The following SOX5 variants were observed in gnomAD, a reference collection of about 807,000 sequenced individuals.
SOX5 encodes the protein transcription factor SOX-5.
A neutral mutation model predicts 92.0 loss-of-function variants in SOX5; 9 were observed. The ratio of observed to expected loss-of-function variants is 0.10; its 90% confidence interval spans 0.06 to 0.17. The LOEUF (loss-of-function observed/expected upper bound fraction) is 0.17, where lower values mean the gene tolerates loss of function less well. Among genes scored for constraint, SOX5 ranks in the 10% least tolerant of loss-of-function variants. The probability of loss-of-function intolerance (pLI) is 1.00; values close to 1 mark genes in which losing one functional copy is unlikely to be tolerated. For synonymous variants in SOX5, 344 were observed against 336.3 expected (o/e 1.02, Z -0.25); for missense variants, 642 against 944.5 (o/e 0.68, Z 4.20).
At chr12:24,377,954 TA>T (rs1464428748) in intron 1 of SOX5, among the ~76,000 whole-genome samples, 12 of 152,350 alleles carry the variant, frequency 7.9e-5, no homozygotes, top group African/African-American at 2.9e-4. Flanking sequence ...AAAAGGCATG[TA>T]AATCGCATAT....
At chr12:24,458,557 A>C (rs895370328) in intron 1 of SOX5, among the ~76,000 whole-genome samples, 3 of 152,086 alleles carry the variant, frequency 2.0e-5, no homozygotes, top group African/African-American at 7.2e-5. Context: ...GTAGGATGGG[A>C]CCCAGATATA....
intron 4 of SOX5, among the ~76,000 whole-genome samples, chr12:24,201,056 C>G (rs1305025804): frequency 1.3e-5 from 2 of 152,062 alleles, no homozygotes; most frequent in Non-Finnish European, 2.9e-5. Context: ...ATAACATGGT[C>G]AATAGGAAAA....
intron 4 of SOX5, among the ~76,000 whole-genome samples, chr12:24,172,092 T>C (rs549631187): frequency 2.3e-4 from 29 of 127,690 alleles, no homozygotes; most frequent in African/African-American, 7.3e-4. Context: ...TGTGTGTGTG[T>C]GCGTGCGCGC....
At chr12:24,273,991 T>G (rs1037130620) in intron 3 of SOX5, among the ~76,000 whole-genome samples, 1 of 152,210 alleles carries the variant, frequency 6.6e-6, no homozygotes, top group Non-Finnish European at 1.5e-5. Flanking sequence ...TGGTACAACT[T>G]TAATTCTTGG....
At chr12:23,666,191 CT>C (rs2083771544) in intron 6 of SOX5, among the ~76,000 whole-genome samples, 1 of 151,496 alleles carries the variant, frequency 6.6e-6, no homozygotes, top group Non-Finnish European at 1.5e-5. Context: ...AGAACTGGGT[CT>C]AGAATTCAGT....
chr12:24,375,919 C>T (rs1957218824), intron 1 of SOX5, among the ~76,000 whole-genome samples: 1 of 151,578 alleles, frequency 6.6e-6, no homozygotes, highest in South Asian at 2.1e-4. Flanking sequence ...TTCTTTCCAC[C>T]TTCTCTAAGT....
intron 4 of SOX5, among the ~76,000 whole-genome samples, chr12:24,190,454 AG>A (rs1956412558): frequency 6.6e-6 from 1 of 152,230 alleles, no homozygotes; most frequent in South Asian, 2.1e-4. Context: ...TCTCTTGGAA[AG>A]CCCTGTCCGA....
intron 6 of SOX5, among the ~76,000 whole-genome samples, chr12:23,723,144 T>C (rs1279971380): frequency 6.6e-6 from 1 of 152,094 alleles, no homozygotes; most frequent in African/African-American, 2.4e-5. Context: ...CATAATATAT[T>C]ATACTAACAA....
intron 3 of SOX5, among the ~76,000 whole-genome samples, chr12:24,249,064 C>T (rs1939493987): frequency 6.6e-6 from 1 of 152,326 alleles, no homozygotes. Context: ...CACCACTGAT[C>T]AGCTCTCTGA....
chr12:24,145,662 A>AT (rs1212498303), intron 4 of SOX5, among the ~76,000 whole-genome samples: 4 of 152,020 alleles, frequency 2.6e-5, no homozygotes, highest in Non-Finnish European at 4.4e-5. Flanking sequence ...TACATGGCTG[A>AT]TTTTTTATCT....
chr12:23,786,505 C>A (rs2095380102), intron 3 of SOX5, among the ~76,000 whole-genome samples: 2 of 149,592 alleles, frequency 1.3e-5, no homozygotes, highest in African/African-American at 4.9e-5. Flanking sequence ...TTAATAAACA[C>A]CCACTTTTCC....
At chr12:23,802,472 A>G (rs1427569393) in intron 3 of SOX5, among the ~76,000 whole-genome samples, 2 of 152,166 alleles carry the variant, frequency 1.3e-5, no homozygotes, top group African/African-American at 4.8e-5. Flanking sequence ...AATTAAAAAT[A>G]CTAGCCATCC....
intron 3 of SOX5, among the ~76,000 whole-genome samples, chr12:23,792,648 A>C (rs1440374213): frequency 7.4e-6 from 1 of 135,856 alleles, no homozygotes; most frequent in Non-Finnish European, 1.7e-5. Context: ...AAAAAAAAAA[A>C]AAAAAAAAAA....
At chr12:24,195,681 C>T (rs929761477) in intron 4 of SOX5, among the ~76,000 whole-genome samples, 1 of 152,082 alleles carries the variant, frequency 6.6e-6, no homozygotes, top group African/African-American at 2.4e-5. Flanking sequence ...TCCCCCCGCT[C>T]TTATGGAGCT....
At chr12:23,972,370 T>G (rs1948439023) in intron 4 of SOX5, among the ~76,000 whole-genome samples, 1 of 152,198 alleles carries the variant, frequency 6.6e-6, no homozygotes, top group Non-Finnish European at 1.5e-5. Context: ...TGTTTTGTTT[T>G]GTTTTTAGAT....
chr12:24,497,109 T>C (rs2138065500), intron 1 of SOX5, among the ~76,000 whole-genome samples: 1 of 152,350 alleles, frequency 6.6e-6, no homozygotes, highest in South Asian at 2.1e-4. Context: ...TATAGGTCAC[T>C]GTACAATCTA....
At chr12:23,613,192 A>T (rs755169157) in intron 8 of SOX5, among the ~76,000 whole-genome samples, 7 of 152,206 alleles carry the variant, frequency 4.6e-5, no homozygotes, top group Non-Finnish European at 1.0e-4. Context: ...ATAAAAATTT[A>T]TAATTCATAA....
chr12:24,114,586 A>G, intron 4 of SOX5, among the ~76,000 whole-genome samples: 1 of 134,662 alleles, frequency 7.4e-6, no homozygotes, highest in Non-Finnish European at 1.6e-5. Flanking sequence ...AAAAAAAAAA[A>G]AAAAAAAAAA....
At chr12:23,785,871 G>GT (rs1057067048) in intron 3 of SOX5, among the ~76,000 whole-genome samples, 3 of 151,866 alleles carry the variant, frequency 2.0e-5, no homozygotes, top group African/African-American at 7.3e-5. Flanking sequence ...AAGAATTATA[G>GT]TTTTTTTAGA....
Sources: gnomAD v4.1 joint callset for allele counts (sites outside exome capture counted in the v4.1 genomes callset) on GRCh38, gnomAD v4.1.1 for gene constraint, MANE v1.5 for transcripts, NCBI Gene and HGNC (gene_info 2026-07-23, HGNC 2026-07-21) for gene names.